CFAP20DC: variants seen among roughly 807,000 people sequenced by gnomAD.
The protein encoded by CFAP20DC is CFAP20 domain containing.
Under a neutral mutation model 101.7 loss-of-function variants are expected in CFAP20DC, and 84 were observed. That is an observed-to-expected ratio of 0.83 (90% CI 0.69 to 0.99). The LOEUF (loss-of-function observed/expected upper bound fraction) is 0.99, where lower values mean the gene tolerates loss of function less well. Among genes scored for constraint, CFAP20DC ranks in the 50% least tolerant of loss-of-function variants. The pLI, the probability that CFAP20DC is intolerant of heterozygous loss-of-function variation, is 0.00. For missense variants in CFAP20DC, 1,007 were observed against 970.3 expected (o/e 1.04, Z -0.50); for synonymous variants, 359 against 351.2 (o/e 1.02, Z -0.25).
intron 10 of CFAP20DC, 37 bp downstream of exon 10, chr3:58,867,780 T>C: frequency 6.2e-7 from 1 of 1,611,902 alleles, no homozygotes; most frequent in Non-Finnish European, 8.5e-7. Context: ...CCCTGAATAA[T>C]ATACAGATAT....
rs1575537248 is a variant in CFAP20DC, at chr3:58,746,850, A to C, written c.2333-4278T>G. On this transcript the variant is annotated intron_variant, in intron 16 of 16. Coordinates refer to ENST00000482387, the MANE Select transcript of CFAP20DC (RefSeq NM_001394063.1). The stretch of plus-strand genomic sequence containing the variant: ...AAAGGTTTTGTTTTCATTGTAACTT[A>C]ATTTTCAAAGCCTCCAACTTACATC... 2.0e-5 allele frequency among the ~76,000 whole-genome samples: 3 copies of C among 152,304 alleles called. No individual in the cohort carries two copies. In the Middle Eastern group the frequency reaches 0.01, roughly 518 times the overall value.
At chr3:58,821,966 TA>T (rs1423769151) in intron 14 of CFAP20DC, among the ~76,000 whole-genome samples, 1 of 140,632 alleles carries the variant, frequency 7.1e-6, no homozygotes, top group Non-Finnish European at 1.5e-5. Context: ...TATGCAGCCA[TA>T]AAAAATGAAG....
intron 15 of CFAP20DC, among the ~76,000 whole-genome samples, chr3:58,804,579 T>C (rs540837495): frequency 2.0e-5 from 3 of 152,248 alleles, no homozygotes; most frequent in East Asian, 3.9e-4. Context: ...GCTAGTCTTG[T>C]CTCAAACTCC....
At chr3:58,734,496 G>A (rs775874717) in intron 3 of CFAP20DC, 32 of 453,352 alleles carry the variant, frequency 7.1e-5, no homozygotes, top group Non-Finnish European at 1.4e-4. Flanking sequence ...TTTTTCTTCG[G>A]TGGTCCATTT....
At chr3:58,830,207 C>A (rs1187704577) in intron 14 of CFAP20DC, among the ~76,000 whole-genome samples, 1 of 152,070 alleles carries the variant, frequency 6.6e-6, no homozygotes, top group African/African-American at 2.4e-5. Context: ...GAGCACTAAT[C>A]CCCCCATCAA....
chr3:58,975,250 T>C (rs1179948428), intron 4 of CFAP20DC, among the ~76,000 whole-genome samples: 1 of 152,168 alleles, frequency 6.6e-6, no homozygotes, highest in African/African-American at 2.4e-5. Context: ...GGTATCTCGT[T>C]GGTAAGTCCT....
chr3:58,934,532 T>C (rs961205119), intron 5 of CFAP20DC, among the ~76,000 whole-genome samples: 24 of 152,294 alleles, frequency 1.6e-4, no homozygotes, highest in African/African-American at 5.5e-4. Context: ...AATAAAATAC[T>C]GGCAAACCGA....
At chr3:58,782,430 C>T (rs2071918276) in intron 15 of CFAP20DC, among the ~76,000 whole-genome samples, 1 of 151,888 alleles carries the variant, frequency 6.6e-6, no homozygotes, top group South Asian at 2.1e-4. Flanking sequence ...AAGTCCTAGC[C>T]AGAGTAATCA....
chr3:58,887,955 T>C (rs1188057583), intron 6 of CFAP20DC, among the ~76,000 whole-genome samples: 3 of 152,234 alleles, frequency 2.0e-5, no homozygotes, highest in South Asian at 2.1e-4. Flanking sequence ...AAAGGGACTT[T>C]AGTCTCATTT....
intron 14 of CFAP20DC, among the ~76,000 whole-genome samples, chr3:58,813,863 G>A (rs549010429): frequency 1.3e-5 from 2 of 151,930 alleles, no homozygotes; most frequent in East Asian, 3.9e-4. Context: ...ACAGTGGAAG[G>A]AAAAACATGT....
intron 3 of CFAP20DC, chr3:58,726,153 C>A (rs995863466): frequency 1.3e-5 from 2 of 152,184 alleles, no homozygotes; most frequent in Non-Finnish European, 2.9e-5. Context: ...TTGGATCTGA[C>A]CATTTCAATA....
intron 7 of CFAP20DC, among the ~76,000 whole-genome samples, chr3:58,880,997 CCTT>C (rs1162667450): frequency 6.6e-6 from 1 of 152,106 alleles, no homozygotes; most frequent in Non-Finnish European, 1.5e-5. Flanking sequence ...GAATCTAACT[CCTT>C]CTCCTTTTAA....
chr3:58,762,755 T>G (rs1297694962), intron 15 of CFAP20DC, among the ~76,000 whole-genome samples: 1 of 152,226 alleles, frequency 6.6e-6, no homozygotes, highest in African/African-American at 2.4e-5. Flanking sequence ...TCTCTCAGCA[T>G]TTGCTTGTCT....
intron 5 of CFAP20DC, among the ~76,000 whole-genome samples, chr3:58,917,128 C>T (rs762132373): frequency 1.3e-5 from 2 of 152,078 alleles, no homozygotes; most frequent in Non-Finnish European, 2.9e-5. Context: ...TAGTATGTTG[C>T]TTGGATTAAT....
chr3:58,936,149 T>C (rs1005681569), intron 5 of CFAP20DC, among the ~76,000 whole-genome samples: 30 of 152,304 alleles, frequency 2.0e-4, no homozygotes, highest in African/African-American at 6.7e-4. Context: ...AAGACATTTA[T>C]GCAGCCAAAA....
In CFAP20DC at chr3:58,939,116, C is replaced by A. The variant is rs183584606; in HGVS notation, c.279-1354G>T. The stretch of plus-strand genomic sequence containing the variant: ...CAGGAAGAAAACATTAGAACTTTCA[C>A]CTCATCCCCTTAAAATGTTATTTTT... On this transcript the variant is annotated intron_variant, in intron 4 of 16. Transcript: ENST00000482387. Among the ~76,000 whole-genome samples the A allele has an allele frequency of 4.2e-3, 646 of 152,242 alleles. 3 individuals are homozygous for A. The highest frequency in any genetic ancestry group is 0.015 in the African/African-American group (623 of 41,526).
intron 15 of CFAP20DC, among the ~76,000 whole-genome samples, chr3:58,771,569 T>C (rs902560841): frequency 3.3e-5 from 5 of 152,046 alleles, no homozygotes; most frequent in East Asian, 1.9e-4. Flanking sequence ...CTAAAGACCA[T>C]TGGGAAACAG....
chr3:58,859,106 T>C lies in CFAP20DC; in HGVS notation c.1593+4452A>G, dbSNP rs550525874. ...AAAGATAAGTGATAGTTGTGTCTTA[T>C]AATACATTTTACGAGTTTGTAAACA... On this transcript the variant is annotated intron_variant, in intron 12 of 16. Coordinates refer to ENST00000482387, the MANE Select transcript of CFAP20DC (RefSeq NM_001394063.1). The surrounding 1 kb of genome is among the most constrained non-coding windows in gnomAD (Gnocchi z 4.1). Among the ~76,000 whole-genome samples the C allele has an allele frequency of 5.9e-4, 90 of 152,330 alleles. 1 individual carries two copies. The highest frequency in any genetic ancestry group is 1.1e-3 in the Non-Finnish European group (78 of 68,028).
intron 15 of CFAP20DC, among the ~76,000 whole-genome samples, chr3:58,762,418 A>T (rs890994455): frequency 3.3e-5 from 5 of 151,890 alleles, no homozygotes; most frequent in African/African-American, 1.2e-4. Context: ...TTTTATTTTG[A>T]GCCTGTGTGT....
Sources: allele counts gnomAD v4.1 joint callset (sites outside exome capture counted in the v4.1 genomes callset), GRCh38; gene constraint gnomAD v4.1.1; non-coding constraint Gnocchi (gnomAD v3.1); transcripts MANE v1.5; gene names NCBI Gene and HGNC (gene_info 2026-07-23, HGNC 2026-07-21).